The following DPY19L2 variants were observed in gnomAD, a reference collection of about 807,000 sequenced individuals.
The protein encoded by DPY19L2 is probable C-mannosyltransferase DPY19L2.
DPY19L2 carries 34 observed loss-of-function variants against 97.9 expected under a neutral mutation model. That is an observed-to-expected ratio of 0.35 (90% confidence interval 0.26 to 0.46). DPY19L2 has a LOEUF of 0.46. Ranked by LOEUF, DPY19L2 falls within the 20% of genes least tolerant of loss-of-function variation. DPY19L2 has a pLI of 1.00. For synonymous variants in DPY19L2, 230 were observed against 307.9 expected (o/e 0.75, Z 2.65); for missense variants, 623 against 911.4 (o/e 0.68, Z 4.07).
At chr12:63,644,020 T>G (rs1170000073) in intron 6 of DPY19L2, among the ~76,000 whole-genome samples, 1 of 152,174 alleles carries the variant, frequency 6.6e-6, no homozygotes, top group East Asian at 1.9e-4. Context: ...GCCTGCCACA[T>G]GTGATTCACA....
At chr12:63,596,327 TAA>T (rs1250649542) in intron 14 of DPY19L2, among the ~76,000 whole-genome samples, 1 of 152,170 alleles carries the variant, frequency 6.6e-6, no homozygotes, top group Admixed American at 6.5e-5. Flanking sequence ...TACATAATAC[TAA>T]GTTTTAAAAT....
chr12:63,623,233 C>T (rs1015415037), intron 8 of DPY19L2, among the ~76,000 whole-genome samples: 11 of 150,442 alleles, frequency 7.3e-5, no homozygotes, highest in South Asian at 6.3e-4. Context: ...GTAATCCCTA[C>T]AAAAAAAGTG....
intron 4 of DPY19L2, among the ~76,000 whole-genome samples, chr12:63,648,413 A>C (rs1308809585): frequency 1.3e-5 from 2 of 151,226 alleles, no homozygotes; most frequent in Non-Finnish European, 1.5e-5. Context: ...GGGAAGCTAG[A>C]CTTCCACCTT....
At chr12:63,631,020 G>A (rs573380821) in intron 6 of DPY19L2, among the ~76,000 whole-genome samples, 3 of 152,134 alleles carry the variant, frequency 2.0e-5, no homozygotes, top group East Asian at 1.9e-4. Flanking sequence ...TGAAACCAAC[G>A]AGAACAAAGA....
At chr12:63,632,967 C>T (rs1377061930) in intron 6 of DPY19L2, among the ~76,000 whole-genome samples, 7 of 151,940 alleles carry the variant, frequency 4.6e-5, no homozygotes, top group South Asian at 2.1e-4. Context: ...AATGGGGAAA[C>T]GATTCCCTAT....
chr12:63,595,822 T>C (rs1210282205), intron 15 of DPY19L2, 144 bp downstream of exon 15: 7 of 681,690 alleles, frequency 1.0e-5, no homozygotes, highest in South Asian at 2.0e-5. Context: ...TATAAAAAGA[T>C]CGATGATGAA....
rs913709153 is a variant in DPY19L2 at position 63,588,745 on chromosome 12, C to CTT, written c.1581-4911_1581-4910dup. Among the ~76,000 whole-genome samples, 630 of 129,904 alleles carry CTT rather than the reference C, an allele frequency of 4.8e-3. 4 individuals are homozygous for CTT. The highest frequency in any genetic ancestry group is 0.011 in the African/African-American group (396 of 35,690). 85.2% of individuals were successfully genotyped at this position (129,904 alleles called of 152,430 possible). ...TTTATATAAACCAAAAGGAAACTTT[C>CTT]TTTTTTTTTTTTTTTTTTTGTTTTT... is the stretch of plus-strand genomic sequence containing the variant. On this transcript the variant is annotated intron_variant, in intron 16 of 21. Coordinates refer to ENST00000324472, the MANE Select transcript of DPY19L2 (RefSeq NM_173812.5).
chr12:63,621,427 C>T, intron 8 of DPY19L2, 90 bp from the exon 9 acceptor site: 2 of 711,186 alleles, frequency 2.8e-6, no homozygotes, highest in Non-Finnish European at 4.9e-6. Context: ...ATAAAATCTA[C>T]ATTATTCCAT....
chr12:63,614,016 C>T (rs1302148660), intron 11 of DPY19L2, among the ~76,000 whole-genome samples: 1 of 151,274 alleles, frequency 6.6e-6, no homozygotes, highest in Non-Finnish European at 1.5e-5. Context: ...ATGGTGACAC[C>T]CCGTCTCTAC....
chr12:63,642,948 A>C (rs893220186), intron 6 of DPY19L2, among the ~76,000 whole-genome samples: 4 of 152,124 alleles, frequency 2.6e-5, no homozygotes, highest in East Asian at 3.9e-4. Flanking sequence ...GGAATGTTTT[A>C]ATCATTTTCC....
At chr12:63,580,579 G>A in intron 19 of DPY19L2, 83 bp downstream of exon 19, 1 of 1,328,424 alleles carries the variant, frequency 7.5e-7, no homozygotes, top group African/African-American at 1.5e-5. Flanking sequence ...ACATATATCA[G>A]AAATGACAAT....
chr12:63,636,486 T>C (rs1424469875), intron 6 of DPY19L2, among the ~76,000 whole-genome samples: 1 of 151,992 alleles, frequency 6.6e-6, no homozygotes, highest in African/African-American at 2.4e-5. Context: ...GACTGGCAAA[T>C]TGGATCAAGA....
chr12:63,576,333 T>C (rs545551714), intron 19 of DPY19L2, among the ~76,000 whole-genome samples: 99 of 152,112 alleles, frequency 6.5e-4, no homozygotes, highest in African/African-American at 2.2e-3. Flanking sequence ...GCACAAGCAG[T>C]ATCATACTGA....
At chr12:63,608,937 T>C (rs373995680) in intron 11 of DPY19L2, among the ~76,000 whole-genome samples, 1 of 152,104 alleles carries the variant, frequency 6.6e-6, no homozygotes, top group Non-Finnish European at 1.5e-5. Flanking sequence ...TGCAGGCTAA[T>C]TCCTCTACAA....
intron 4 of DPY19L2, among the ~76,000 whole-genome samples, chr12:63,651,293 T>C (rs1592732404): frequency 6.6e-6 from 1 of 151,946 alleles, no homozygotes; most frequent in East Asian, 1.9e-4. Flanking sequence ...CCTAAAACAA[T>C]GAAAACCCTA....
chr12:63,633,614 T>A (rs894828404), intron 6 of DPY19L2, among the ~76,000 whole-genome samples: 1 of 152,144 alleles, frequency 6.6e-6, no homozygotes, highest in Non-Finnish European at 1.5e-5. Flanking sequence ...ACACTGTTGG[T>A]GGGACTGTAA....
chr12:63,581,645 G>A (rs1399005675), intron 18 of DPY19L2, among the ~76,000 whole-genome samples: 2 of 151,236 alleles, frequency 1.3e-5, no homozygotes, highest in African/African-American at 2.4e-5. Context: ...CACCATGCCC[G>A]GCTAATTTTT....
chr12:63,593,911 C>T (rs947045103), intron 16 of DPY19L2, among the ~76,000 whole-genome samples, 176 bp downstream of exon 16: 1 of 152,000 alleles, frequency 6.6e-6, no homozygotes, highest in Non-Finnish European at 1.5e-5. Context: ...AGTCCAAATA[C>T]ATATAAGAAA....
At chr12:63,595,808 T>G (rs548064870) in intron 15 of DPY19L2, among the ~76,000 whole-genome samples, 158 bp downstream of exon 15, 13 of 152,280 alleles carry the variant, frequency 8.5e-5, no homozygotes, top group African/African-American at 2.9e-4. Context: ...TTATCATGGC[T>G]TTTTATAAAA....
Sources: gnomAD v4.1 joint callset for allele counts (sites outside exome capture counted in the v4.1 genomes callset) on GRCh38, gnomAD v4.1.1 for gene constraint, MANE v1.5 for transcripts, NCBI Gene and HGNC (gene_info 2026-07-23, HGNC 2026-07-21) for gene names.